The following LITAF variants were observed in gnomAD, a reference collection of about 807,000 sequenced individuals.
The protein encoded by LITAF is lipopolysaccharide induced TNF factor.
In LITAF, 9 loss-of-function variants were observed where a neutral mutation model predicts 14.5. That is an observed-to-expected ratio of 0.62 (90% CI 0.37 to 1.08). The LOEUF is 1.08. Among genes scored for constraint, LITAF ranks in the 50% least tolerant of loss-of-function variants. The pLI is 0.01. For missense variants in LITAF, 206 were observed against 213.4 expected, an observed-to-expected ratio of 0.97 and a Z score of 0.22; for synonymous variants, 98 against 88.2, an observed-to-expected ratio of 1.11 and a Z score of -0.62.
At chr16:11,624,156 C>G (rs1284020560) in intron 3 of LITAF, among the ~76,000 whole-genome samples, 1 of 152,154 alleles carries the variant, frequency 6.6e-6, no homozygotes, top group Non-Finnish European at 1.5e-5. Flanking sequence ...ATTTCTCTCT[C>G]TCCGTCTCTT....
At chr16:11,630,247 G>C (rs1488794066) in intron 3 of LITAF, among the ~76,000 whole-genome samples, 2 of 152,166 alleles carry the variant, frequency 1.3e-5, no homozygotes, top group Non-Finnish European at 2.9e-5. Context: ...AGTACCCCCA[G>C]CTGGCATGAC....
intron 3 of LITAF, among the ~76,000 whole-genome samples, chr16:11,608,918 C>T (rs1347845038): frequency 6.6e-6 from 1 of 151,736 alleles, no homozygotes; most frequent in Non-Finnish European, 1.5e-5. Context: ...AGCTGCACTC[C>T]AGCCTGGGTG....
rs998057892 is a variant in LITAF, at chr16:11,605,881, T to A, written c.85+27652A>T. 6.6e-6 allele frequency among the ~76,000 whole-genome samples: 1 copy of A among 152,166 alleles called. No individual in the cohort carries two copies. The highest frequency in any genetic ancestry group is 6.5e-5 in the Admixed American group (1 of 15,270). On this transcript the variant is annotated intron_variant, in intron 3 of 3. Transcript: ENST00000574848. The surrounding 1 kb of genome is among the most constrained non-coding windows in gnomAD (Gnocchi z 4.7). ...GTTCCACTGTTCCCACGGAAACTTATCAATAGCTGCCTCTTTAGGATCAAG... is the reference window on the plus strand; with the variant it reads ...GTTCCACTGTTCCCACGGAAACTTAACAATAGCTGCCTCTTTAGGATCAAG...
chr16:11,559,944 C>T (rs929108875), intron 1 of LITAF, among the ~76,000 whole-genome samples: 2 of 151,626 alleles, frequency 1.3e-5, no homozygotes, highest in African/African-American at 2.4e-5. Flanking sequence ...GCCGTGACTG[C>T]GCCACTGCAC....
At chr16:11,567,917 G>C (rs1427114743) in intron 1 of LITAF, among the ~76,000 whole-genome samples, 1 of 152,146 alleles carries the variant, frequency 6.6e-6, no homozygotes, top group Non-Finnish European at 1.5e-5. Context: ...CCAGGAGGCG[G>C]AGGTTGCAGT....
chr16:11,576,578 G>C (rs1415863328), intron 1 of LITAF, among the ~76,000 whole-genome samples: 2 of 125,008 alleles, frequency 1.6e-5, no homozygotes, highest in East Asian at 2.1e-4. Flanking sequence ...GAGAAAAAGA[G>C]AAAGGAAAGG....
intron 3 of LITAF, among the ~76,000 whole-genome samples, chr16:11,630,472 C>T (rs1443388327): frequency 1.3e-5 from 2 of 152,312 alleles, no homozygotes; most frequent in African/African-American, 2.4e-5. Context: ...CAACCCTCCT[C>T]CTGTGCCCCG....
At chr16:11,576,798 AGGCTTG>A (rs2064644229) in intron 1 of LITAF, among the ~76,000 whole-genome samples, 1 of 152,142 alleles carries the variant, frequency 6.6e-6, no homozygotes, top group African/African-American at 2.4e-5. Flanking sequence ...TGAGGTAAAC[AGGCTTG>A]GGCATCTGCT....
chr16:11,616,951 G>A (rs141250474), intron 3 of LITAF, among the ~76,000 whole-genome samples: 1 of 150,972 alleles, frequency 6.6e-6, no homozygotes, highest in Non-Finnish European at 1.5e-5. Context: ...AGGGCGCAGT[G>A]GCTCACATCT....
In LITAF at chr16:11,548,075, A is replaced by C. The variant is rs1348102236; in HGVS notation, c.*1562T>G. On this transcript the variant is annotated 3_prime_UTR_variant, in exon 4 of 4. Coordinates refer to ENST00000622633, the MANE Select transcript of LITAF (RefSeq NM_001136472.2). ...CTATGTGGTATCCATATTCGTTGCAAAAATGATAATTACTGGAATTTTCCA... is the reference window on the plus strand; with the variant it reads ...CTATGTGGTATCCATATTCGTTGCACAAATGATAATTACTGGAATTTTCCA... 1 of 454,152 alleles carries C rather than the reference A, an allele frequency of 2.2e-6. No individual in the cohort carries two copies. The highest frequency in any genetic ancestry group is 4.4e-6 in the Non-Finnish European group (1 of 226,798). 28.1% of individuals were successfully genotyped at this position (454,152 alleles called of 1,614,324 possible).
At chr16:11,604,617 G>T (rs1356941418) in intron 3 of LITAF, among the ~76,000 whole-genome samples, 7 of 145,934 alleles carry the variant, frequency 4.8e-5, no homozygotes, top group African/African-American at 1.8e-4. Context: ...GACCAGCCTG[G>T]GCAACACAGC....
intron 3 of LITAF, among the ~76,000 whole-genome samples, chr16:11,550,358 G>A (rs1169388203): frequency 6.6e-6 from 1 of 152,174 alleles, no homozygotes; most frequent in Non-Finnish European, 1.5e-5. Flanking sequence ...CCCAAGTGCT[G>A]GGATTACAGG....
chr16:11,579,399 C>T (rs1443309896), intron 1 of LITAF, among the ~76,000 whole-genome samples: 2 of 151,252 alleles, frequency 1.3e-5, no homozygotes, highest in African/African-American at 2.4e-5. Flanking sequence ...TGCAGTGAGC[C>T]GAGATTGCGC....
intron 1 of LITAF, among the ~76,000 whole-genome samples, chr16:11,571,763 A>G (rs1273398717): frequency 2.6e-5 from 4 of 152,056 alleles, no homozygotes; most frequent in African/African-American, 7.2e-5. Flanking sequence ...CCTCTTGCCA[A>G]TCACGCCCTC....
chr16:11,579,404 T>C (rs1229312298), intron 1 of LITAF, among the ~76,000 whole-genome samples: 2 of 151,536 alleles, frequency 1.3e-5, no homozygotes, highest in Admixed American at 6.6e-5. Context: ...TGAGCCGAGA[T>C]TGCGCCACTG....
At chr16:11,623,089 G>T (rs1440617924) in intron 3 of LITAF, among the ~76,000 whole-genome samples, 2 of 151,208 alleles carry the variant, frequency 1.3e-5, no homozygotes, top group African/African-American at 4.9e-5. Context: ...TCAGTCAACT[G>T]AGTAGCTGGG....
At position 11,556,197 on chromosome 16, in the gene LITAF, G is replaced by T. The variant is rs1482905213; in HGVS notation, c.220+314C>A. On this transcript the variant is annotated intron_variant, in intron 2 of 3. Coordinates refer to ENST00000622633, the MANE Select transcript of LITAF (RefSeq NM_001136472.2). The stretch of plus-strand genomic sequence containing the variant: ...GAAGTTCTGCATCAGACCTCAGGAG[G>T]AAGTGTGCGGGCCCTTAAGACACAA... The T allele has an allele frequency of 6.2e-6, 3 of 486,860 alleles. No homozygotes were observed. The South Asian group carries it at 1.3e-4, about 21-fold the overall frequency. 30.2% of individuals were successfully genotyped at this position (486,860 alleles called of 1,614,324 possible). A position where few individuals can be genotyped will look rare whatever the true frequency, so the allele number is the denominator to read the frequency against.
intron 3 of LITAF, among the ~76,000 whole-genome samples, chr16:11,630,570 C>CT (rs66732953): frequency 0.5 from 57,206 of 114,238 alleles, 16,268 homozygotes; most frequent in African/African-American, 0.73. Flanking sequence ...CCCTGGCCAA[C>CT]TTTTTTTTTT....
chr16:11,614,638 C>T (rs1370407386), intron 3 of LITAF, among the ~76,000 whole-genome samples: 1 of 151,980 alleles, frequency 6.6e-6, no homozygotes, highest in Non-Finnish European at 1.5e-5. Context: ...CTTACTCTGT[C>T]ACCCAGACTG....
Sources: gnomAD v4.1 joint callset for allele counts (sites outside exome capture counted in the v4.1 genomes callset) on GRCh38, gnomAD v4.1.1 for gene constraint, Gnocchi (gnomAD v3.1) non-coding constraint, MANE v1.5 for transcripts, NCBI Gene and HGNC (gene_info 2026-07-23, HGNC 2026-07-21) for gene names.